GCH1: variants seen among roughly 807,000 people sequenced by gnomAD.
GCH1 encodes the protein GTP cyclohydrolase 1.
A neutral mutation model predicts 25.9 loss-of-function variants in GCH1; 5 were observed. That is an observed-to-expected ratio of 0.19 (90% CI 0.10 to 0.41). The LOEUF (loss-of-function observed/expected upper bound fraction) is 0.41. GCH1 is among the 10% of genes least tolerant of loss of function. The probability of loss-of-function intolerance (pLI) is 1.00; values close to 1 mark genes in which losing one functional copy is unlikely to be tolerated. For missense variants in GCH1, 261 were observed against 336.5 expected, an observed-to-expected ratio of 0.78 and a Z score of 1.75; for synonymous variants, 159 against 129.6, an observed-to-expected ratio of 1.23 and a Z score of -1.54.
At position 54,902,306 on chromosome 14, in the gene GCH1, C is replaced by T; in HGVS notation, c.343+15G>A. 4 of 1,610,836 alleles carry T rather than the reference C, an allele frequency of 2.5e-6. No homozygotes were observed. Among genetic ancestry groups the T allele is most frequent in the Non-Finnish European group, 2.5e-6 (3 of 1,179,180 alleles). On this transcript the variant is annotated intron_variant, in intron 1 of 5. Transcript: ENST00000491895. ...CCGCCGCCCGCACGCTCTAGCAGCC[C>T]GCGGGCGCACTGACCTGAGATGGTC...
At chr14:54,856,705 G>A (rs954894563) in intron 3 of GCH1, among the ~76,000 whole-genome samples, 4 of 152,198 alleles carry the variant, frequency 2.6e-5, no homozygotes, top group African/African-American at 4.8e-5. Flanking sequence ...TGCCCACCTC[G>A]GCCTCCCAAA....
At chr14:54,900,865 A>T (rs909173534) in intron 1 of GCH1, among the ~76,000 whole-genome samples, 3 of 149,756 alleles carry the variant, frequency 2.0e-5, no homozygotes, top group Non-Finnish European at 2.9e-5. Context: ...ACACACACAC[A>T]CACACACACA....
At chr14:54,855,235 G>A (rs894263495) in intron 3 of GCH1, among the ~76,000 whole-genome samples, 5 of 152,110 alleles carry the variant, frequency 3.3e-5, no homozygotes, top group Non-Finnish European at 7.3e-5. Flanking sequence ...GCCAGGCGCG[G>A]TGGCTCACTC....
Position 54,902,352 on chromosome 14 carries a change from G to A in GCH1, c.312C>T (p.Phe104=), listed in dbSNP as rs760993831. ...TGGTCTCCTGGTAGCCCTTGGTGAA[G>A]AACTGCATGGCCGAGGCCGCCCTCC... ...TPWRAASAMQ[F]FTKGYQETIS... is the part of the protein sequence containing the mutation. Residue 104 remains phenylalanine (F), a synonymous_variant, in exon 1 of 6, where the codon TTC becomes TTT. Transcript: ENST00000491895. 1 of 1,612,960 alleles carries A rather than the reference G, an allele frequency of 6.2e-7. No homozygotes were observed.
intron 1 of GCH1, among the ~76,000 whole-genome samples, chr14:54,902,009 A>T (rs1226203406): frequency 6.6e-6 from 1 of 152,012 alleles, no homozygotes; most frequent in South Asian, 2.1e-4. Flanking sequence ...CTCAGGCGAG[A>T]GGGCTCCGGG....
In GCH1 at chr14:54,842,973, C is replaced by T. The variant is rs143961472; in HGVS notation, c.*1044G>A. On this transcript the variant is annotated 3_prime_UTR_variant, in exon 6 of 6. Coordinates refer to ENST00000491895, the MANE Select transcript of GCH1 (RefSeq NM_000161.3). Reference sequence around the variant, plus strand: ...TTGGTACGATACGCTTTGGTTAAAACGTTGGACACAGCTCATAATGTCTTC... The same window carrying T: ...TTGGTACGATACGCTTTGGTTAAAATGTTGGACACAGCTCATAATGTCTTC... 3.7e-4 allele frequency: 275 copies of T among 749,840 alleles called. No individual in the cohort carries two copies. The highest frequency in any genetic ancestry group is 2.6e-3 in the African/African-American group (149 of 57,726). The allele number at this position is 749,840 out of a possible 1,614,324, so 46.4% of individuals were successfully genotyped here. A position where few individuals can be genotyped will look rare whatever the true frequency, so the allele number is the denominator to read the frequency against.
chr14:54,864,839 T>TTTGTTTCC (rs1198657206), intron 2 of GCH1, among the ~76,000 whole-genome samples: 2 of 152,154 alleles, frequency 1.3e-5, no homozygotes, highest in Non-Finnish European at 2.9e-5. Flanking sequence ...CTTTTCCTAA[T>TTTGTTTCC]ATAGAAAGGA....
intron 1 of GCH1, 71 bp from the exon 2 acceptor site, chr14:54,865,507 T>C (rs1429030171): frequency 3.9e-6 from 3 of 765,338 alleles, no homozygotes; most frequent in Non-Finnish European, 7.0e-6. Context: ...TAAACATGAA[T>C]AGACAGTCAA....
chr14:54,895,982 C>T (rs113084644), intron 1 of GCH1, among the ~76,000 whole-genome samples: 189 of 152,228 alleles, frequency 1.2e-3, no homozygotes, highest in African/African-American at 3.0e-3. Flanking sequence ...CATGGAGAGA[C>T]GCTGCAACGT....
At chr14:54,888,000 C>T (rs780416718) in intron 1 of GCH1, among the ~76,000 whole-genome samples, 23 of 152,118 alleles carry the variant, frequency 1.5e-4, no homozygotes, top group Non-Finnish European at 2.8e-4. Flanking sequence ...AAACTTCAAG[C>T]ACTAGTAAAA....
rs542676359 is a variant in GCH1 at position 54,862,452 on chromosome 14, G to A, written c.454-2716C>T. Among the ~76,000 whole-genome samples, 74 of 138,136 alleles carry A rather than the reference G, an allele frequency of 5.4e-4. 1 individual carries two copies. Among genetic ancestry groups the A allele is most frequent in the African/African-American group, 1.9e-3 (69 of 36,352 alleles). 90.6% of individuals were successfully genotyped at this position (138,136 alleles called of 152,430 possible). On this transcript the variant is annotated intron_variant, in intron 2 of 5. Coordinates refer to ENST00000491895, the MANE Select transcript of GCH1 (RefSeq NM_000161.3). ...GGCTGGAGTGCAGTGGTGTGATCTCGGCTCACTGCAGCCTCGACCTCCTGG... is the reference window on the plus strand; with the variant it reads ...GGCTGGAGTGCAGTGGTGTGATCTCAGCTCACTGCAGCCTCGACCTCCTGG...
intron 2 of GCH1, among the ~76,000 whole-genome samples, chr14:54,860,790 C>T (rs1402101532): frequency 6.6e-6 from 1 of 152,156 alleles, no homozygotes; most frequent in East Asian, 1.9e-4. Flanking sequence ...CTGCCCGCCT[C>T]GGCCTCCCAA....
chr14:54,859,734 G>C lies in GCH1; in HGVS notation c.456C>G (p.Val152=). Residue 152 remains valine (V), a splice_region_variant and synonymous_variant, in exon 3 of 6, where the codon GTC becomes GTG. Transcript: ENST00000491895. ...GCTTGTTAGGAAGATAACCAATATGGACCTTCAGAGAAGAGACGGAAATCA... is the reference window on the plus strand; with the variant it reads ...GCTTGTTAGGAAGATAACCAATATGCACCTTCAGAGAAGAGACGGAAATCA... ...EHHLVPFVGK[V]HIGYLPNKQV... is the part of the protein sequence containing the mutation. The C allele has an allele frequency of 6.4e-7, 1 of 1,572,886 alleles. No homozygotes were observed. The highest frequency in any genetic ancestry group is 8.8e-7 in the Non-Finnish European group (1 of 1,142,356).
At chr14:54,899,252 G>C (rs2040528415) in intron 1 of GCH1, among the ~76,000 whole-genome samples, 1 of 152,110 alleles carries the variant, frequency 6.6e-6, no homozygotes, top group Non-Finnish European at 1.5e-5. Flanking sequence ...CTTGAGCTCA[G>C]GAGTTCAAGA....
At chr14:54,860,227 G>T (rs1461000571) in intron 2 of GCH1, among the ~76,000 whole-genome samples, 2 of 152,144 alleles carry the variant, frequency 1.3e-5, no homozygotes, top group African/African-American at 4.8e-5. Context: ...AGAGTCAATT[G>T]CATGGCCCTG....
Position 54,902,517 on chromosome 14 carries a change from G to C in GCH1, c.147C>G (p.Pro49=), listed in dbSNP as rs377631489. The C allele has an allele frequency of 1.4e-5, 23 of 1,597,274 alleles. No homozygotes were observed. In the African/African-American group the frequency reaches 3.0e-4, roughly 21 times the overall value. Residue 49 remains proline, a synonymous_variant, in exon 1 of 6, where the codon CCC becomes CCG. Transcript: ENST00000491895. ...GCCGCTCGCCCTTCCAGCCGTCCGC[G>C]GGCTGCGCGCTCTTGGCCTCGGGCC... ...PPRPEAKSAQ[P]ADGWKGERPR...
chr14:54,896,712 A>G (rs890252277), intron 1 of GCH1, among the ~76,000 whole-genome samples: 2 of 151,626 alleles, frequency 1.3e-5, no homozygotes, highest in Admixed American at 6.6e-5. Flanking sequence ...GGAGATCAAG[A>G]CCATCCTGGC....
At chr14:54,885,910 AC>A (rs2040345475) in intron 1 of GCH1, 2 of 189,872 alleles carry the variant, frequency 1.1e-5, no homozygotes, top group Admixed American at 5.7e-5. Flanking sequence ...AACAACAACA[AC>A]AAAAAAAAAC....
At chr14:54,865,236 A>G (rs2039974557) in intron 2 of GCH1, 91 bp downstream of exon 2, 7 of 681,392 alleles carry the variant, frequency 1.0e-5, no homozygotes, top group Non-Finnish European at 1.8e-5. Flanking sequence ...GATATCAGCA[A>G]TTGGCAGCTA....
Sources: gnomAD v4.1 joint callset for allele counts (sites outside exome capture counted in the v4.1 genomes callset) on GRCh38, gnomAD v4.1.1 for gene constraint, MANE v1.5 for transcripts, NCBI Gene and HGNC (gene_info 2026-07-23, HGNC 2026-07-21) for gene names.